HDAC7: variants seen among roughly 807,000 people sequenced by gnomAD.
The protein encoded by HDAC7 is histone deacetylase 7A.
HDAC7 carries 26 observed loss-of-function variants against 115.5 expected under a neutral mutation model. The ratio of observed to expected loss-of-function variants is 0.23; its 90% CI spans 0.16 to 0.31. HDAC7 has a LOEUF of 0.31. HDAC7 is among the 10% of genes least tolerant of loss of function. The probability of loss-of-function intolerance (pLI) is 1.00; values close to 1 mark genes in which losing one functional copy is unlikely to be tolerated. For missense variants in HDAC7, 1,068 were observed against 1,329.0 expected, an observed-to-expected ratio of 0.80 and a Z score of 3.05; for synonymous variants, 564 against 550.9, an observed-to-expected ratio of 1.02 and a Z score of -0.33.
Position 47,794,793 on chromosome 12 carries a change from G to C in HDAC7, c.1425C>G (p.Ala475=), listed in dbSNP as rs1423179222. ...HRELGHGQPE[A]RGPAPLQQHP... Reference sequence around the variant, plus strand: ...GCTGCTGGAGAGGAGCGGGGCCTCTGGCCTCAGGCTGCCCATGGCCCAGCT... The same window carrying C: ...GCTGCTGGAGAGGAGCGGGGCCTCTCGCCTCAGGCTGCCCATGGCCCAGCT... The change falls in exon 12 of 26, where the codon GCC becomes GCG. Residue 475 remains alanine (A), a synonymous_variant. Transcript: ENST00000080059. The C allele has an allele frequency of 1.9e-6, 3 of 1,611,152 alleles. No individual in the cohort carries two copies. The highest frequency in any genetic ancestry group is 2.5e-6 in the Non-Finnish European group (3 of 1,179,100).
At position 47,798,287 on chromosome 12, in the gene HDAC7, ACT is replaced by A; in HGVS notation, c.350-70_350-69del. On this transcript the variant is annotated intron_variant, in intron 4 of 25. Coordinates refer to ENST00000080059, the MANE Select transcript of HDAC7 (RefSeq NM_015401.5). This position sits in a 1 kb window ranked among gnomAD's most constrained non-coding sequence, Gnocchi z 4.3. ...GGCGGCCTCGTGGCACTACCTGGCC[ACT>A]GCCCTGTCCCCATCCTCAGTAGGAG... The A allele has an allele frequency of 8.1e-7, 1 of 1,242,164 alleles. No homozygotes were observed. The highest frequency in any genetic ancestry group is 1.2e-6 in the Non-Finnish European group (1 of 846,648). 76.9% of individuals were successfully genotyped at this position (1,242,164 alleles called of 1,614,324 possible).
At position 47,807,156 on chromosome 12, in the gene HDAC7, T is replaced by A. The variant is rs145394044; in HGVS notation, c.20-4882A>T. ...TGTTTTGCCATGTTGGCCAGGCTGGTCTCGAACCCCTGTCCTCAGGTGATT... is the reference window on the plus strand; with the variant it reads ...TGTTTTGCCATGTTGGCCAGGCTGGACTCGAACCCCTGTCCTCAGGTGATT... On this transcript the variant is annotated intron_variant, in intron 1 of 25. Coordinates refer to ENST00000080059, the MANE Select transcript of HDAC7 (RefSeq NM_015401.5). 2.1e-3 allele frequency among the ~76,000 whole-genome samples: 316 copies of A among 152,292 alleles called. 2 individuals carry two copies. Among genetic ancestry groups the A allele is most frequent in the African/African-American group, 6.9e-3 (286 of 41,562 alleles).
chr12:47,797,181 C>T lies in HDAC7; in HGVS notation c.578-39G>A, dbSNP rs1354984158. ...CAGCGTCACTCAGGCCCCCACCACCCTTCTTTTTTCCACCCTTTAACCCCT... is the reference window on the plus strand; with the variant it reads ...CAGCGTCACTCAGGCCCCCACCACCTTTCTTTTTTCCACCCTTTAACCCCT... On this transcript the variant is annotated intron_variant, in intron 6 of 25. Transcript: ENST00000080059. The surrounding 1 kb of genome is among the most constrained non-coding windows in gnomAD (Gnocchi z 5.5). 6.4e-6 allele frequency: 10 copies of T among 1,560,988 alleles called. No homozygotes were observed. Among genetic ancestry groups the T allele is most frequent in the Non-Finnish European group, 7.8e-6 (9 of 1,152,758 alleles).
intron 21 of HDAC7, 54 bp from the exon 22 acceptor site, chr12:47,786,757 G>T: frequency 6.9e-7 from 1 of 1,444,076 alleles, no homozygotes; most frequent in Non-Finnish European, 9.7e-7. Context: ...TGCCAGGGGC[G>T]GTCCTGCCAA....
At chr12:47,790,563 G>C (rs1943434443) in intron 16 of HDAC7, 1 of 156,580 alleles carries the variant, frequency 6.4e-6, no homozygotes, top group Admixed American at 6.2e-5. Flanking sequence ...CAAGAAATGG[G>C]AAGTTGTGAA....
rs776357150 is a variant in HDAC7 at position 47,795,809 on chromosome 12, G to A, written c.907-42C>T. 2.0e-6 allele frequency: 3 copies of A among 1,495,380 alleles called. No individual in the cohort carries two copies. Among genetic ancestry groups the A allele is most frequent in the Admixed American group, 4.1e-5 (2 of 48,532 alleles). The allele number at this position is 1,495,380 out of a possible 1,614,324, so 92.6% of individuals were successfully genotyped here. On this transcript the variant is annotated intron_variant, in intron 9 of 25. Transcript: ENST00000080059. This position sits in a 1 kb window ranked among gnomAD's most constrained non-coding sequence, Gnocchi z 4.3. ...AGAAGTCACGGGGAAGAAGATTCCA[G>A]CAGAGAACAATGAAGATGATGGGGT...
In HDAC7 at chr12:47,789,933, G is replaced by C; in HGVS notation, c.1984-13C>G. 1 of 1,581,060 alleles carries C rather than the reference G, an allele frequency of 6.3e-7. No individual in the cohort carries two copies. The highest frequency in any genetic ancestry group is 8.7e-7 in the Non-Finnish European group (1 of 1,151,046). The stretch of plus-strand genomic sequence containing the variant: ...TGTCAGTGTCCACCTGCGGGAGCCA[G>C]AGTCAGGGCCCGCATCATCCAAGGC... On this transcript the variant is annotated splice_polypyrimidine_tract_variant and intron_variant, in intron 16 of 25. Coordinates refer to ENST00000080059, the MANE Select transcript of HDAC7 (RefSeq NM_015401.5).
At chr12:47,811,061 C>CCGAACTGAGGCATCT (rs1366837040) in intron 1 of HDAC7, among the ~76,000 whole-genome samples, 5 of 152,134 alleles carry the variant, frequency 3.3e-5, no homozygotes, top group Non-Finnish European at 5.9e-5. Flanking sequence ...ACCAGGCAAA[C>CCGAACTGAGGCATCT]CGAACTGAGG....
chr12:47,816,991 G>T (rs1165753987), intron 1 of HDAC7, among the ~76,000 whole-genome samples: 1 of 152,228 alleles, frequency 6.6e-6, no homozygotes, highest in Non-Finnish European at 1.5e-5. Flanking sequence ...GAGGTGGCTA[G>T]ATCTGGGGAC....
Position 47,795,675 on chromosome 12 carries a change from C to T in HDAC7, c.999G>A (p.Leu333=). The change falls in exon 10 of 26, where the codon TTG becomes TTA. Residue 333 remains leucine (L), a synonymous_variant. Transcript: ENST00000080059. The surrounding 1 kb of genome is among the most constrained non-coding windows in gnomAD (Gnocchi z 4.3). Reference sequence around the variant, plus strand: ...GCAAGGTGCCCCCAGCCTCGGGCTCCAAGCCATGGGGCAGGAAGAGGGGAG... The same window carrying T: ...GCAAGGTGCCCCCAGCCTCGGGCTCTAAGCCATGGGGCAGGAAGAGGGGAG... ...PHTPLFLPHG[L]EPEAGGTLPS... The T allele has an allele frequency of 6.4e-7, 1 of 1,552,134 alleles. No individual in the cohort carries two copies. Among genetic ancestry groups the T allele is most frequent in the Middle Eastern group, 1.7e-4 (1 of 5,980 alleles).
At chr12:47,792,918 C>A in intron 13 of HDAC7, 1 of 303,018 alleles carries the variant, frequency 3.3e-6, no homozygotes, top group Non-Finnish European at 6.5e-6. Context: ...ATGGCCAGAA[C>A]AAAGCCTGGA....
At chr12:47,799,152 T>C (rs1423179782) in intron 2 of HDAC7, 180 bp from the exon 3 acceptor site, 2 of 555,052 alleles carry the variant, frequency 3.6e-6, no homozygotes, top group Non-Finnish European at 6.4e-6. Context: ...AATTCCATTT[T>C]ACTCGTGAGA....
intron 7 of HDAC7, among the ~76,000 whole-genome samples, chr12:47,796,580 T>C (rs1943860210): frequency 6.6e-6 from 1 of 151,972 alleles, no homozygotes; most frequent in South Asian, 2.1e-4. Context: ...TGCACCACCG[T>C]GCCTGGCTAA....
In HDAC7 at chr12:47,795,807, C is replaced by A; in HGVS notation, c.907-40G>T. 1 of 1,520,356 alleles carries A rather than the reference C, an allele frequency of 6.6e-7. No homozygotes were observed. 94.2% of individuals were successfully genotyped at this position (1,520,356 alleles called of 1,614,324 possible). A position where few individuals can be genotyped will look rare whatever the true frequency, so the allele number is the denominator to read the frequency against. ...GGAGAAGTCACGGGGAAGAAGATTC[C>A]AGCAGAGAACAATGAAGATGATGGG... On this transcript the variant is annotated intron_variant, in intron 9 of 25. Coordinates refer to ENST00000080059, the MANE Select transcript of HDAC7 (RefSeq NM_015401.5). The surrounding 1 kb of genome is among the most constrained non-coding windows in gnomAD (Gnocchi z 4.3).
intron 13 of HDAC7, chr12:47,792,954 G>T (rs1943607907): frequency 7.0e-6 from 2 of 286,926 alleles, no homozygotes; most frequent in Non-Finnish European, 1.4e-5. Context: ...ATTTCAGAGG[G>T]TTTACTTCTG....
intron 2 of HDAC7, 111 bp from the exon 3 acceptor site, chr12:47,799,083 C>T: frequency 2.9e-6 from 2 of 700,232 alleles, no homozygotes; most frequent in Non-Finnish European, 4.6e-6. Context: ...TGGCAAAACA[C>T]TCTCATGGGG....
Position 47,797,301 on chromosome 12 carries a change from C to G in HDAC7, c.577+83G>C. The G allele has an allele frequency of 2.9e-6, 4 of 1,396,296 alleles. No homozygotes were observed. The highest frequency in any genetic ancestry group is 2.4e-5 in the South Asian group (2 of 84,100). 86.5% of individuals were successfully genotyped at this position (1,396,296 alleles called of 1,614,324 possible). A position where few individuals can be genotyped will look rare whatever the true frequency, so the allele number is the denominator to read the frequency against. On this transcript the variant is annotated intron_variant, in intron 6 of 25. Transcript: ENST00000080059. This position sits in a 1 kb window ranked among gnomAD's most constrained non-coding sequence, Gnocchi z 5.5. ...TGATCTCCTGGCCCAGCCCAGCCCG[C>G]CCACCCCTGCACACTCCTCCCCCAT...
intron 1 of HDAC7, among the ~76,000 whole-genome samples, chr12:47,816,529 G>A (rs548318440): frequency 3.3e-5 from 5 of 152,220 alleles, no homozygotes; most frequent in South Asian, 2.1e-4. Flanking sequence ...GGTCTGGGGG[G>A]AGGGGTACAC....
In HDAC7 at chr12:47,819,748, G is replaced by T. The variant is rs1003277989; in HGVS notation, c.19+19C>A. Reference sequence around the variant, plus strand: ...TGCCGCGCGCAGGGCGGGGCGGGGGGCGGCCGCCCAGTACTCACCAGCGCC... The same window carrying T: ...TGCCGCGCGCAGGGCGGGGCGGGGGTCGGCCGCCCAGTACTCACCAGCGCC... On this transcript the variant is annotated intron_variant, in intron 1 of 25. Transcript: ENST00000080059. 2.4e-6 allele frequency: 2 copies of T among 835,180 alleles called. No homozygotes were observed. Among genetic ancestry groups the T allele is most frequent in the Non-Finnish European group, 2.9e-6 (2 of 682,142 alleles). 51.7% of individuals were successfully genotyped at this position (835,180 alleles called of 1,614,324 possible).
Sources: gnomAD v4.1 joint callset for allele counts (sites outside exome capture counted in the v4.1 genomes callset) on GRCh38, gnomAD v4.1.1 for gene constraint, Gnocchi (gnomAD v3.1) non-coding constraint, MANE v1.5 for transcripts, NCBI Gene and HGNC (gene_info 2026-07-23, HGNC 2026-07-21) for gene names.